Variants in ABCD3 observed in about 807,000 individuals in gnomAD.
ABCD3 encodes the protein ATP-binding cassette sub-family D member 3.
Under a neutral mutation model 105.5 loss-of-function variants are expected in ABCD3, and 41 were observed. The ratio of observed to expected loss-of-function variants is 0.39; its 90% CI spans 0.30 to 0.50. ABCD3 has a LOEUF of 0.50. Ranked by LOEUF, ABCD3 falls within the 20% of genes least tolerant of loss-of-function variation. The probability of loss-of-function intolerance (pLI) is 0.84; values close to 1 mark genes in which losing one functional copy is unlikely to be tolerated. For missense variants in ABCD3, 622 were observed against 806.3 expected (o/e 0.77, Z 2.77); for synonymous variants, 258 against 269.0 (o/e 0.96, Z 0.40).
At chr1:94,509,754 A>G (rs1272485535) in intron 21 of ABCD3, among the ~76,000 whole-genome samples, 1 of 152,116 alleles carries the variant, frequency 6.6e-6, no homozygotes, top group East Asian at 1.9e-4. Flanking sequence ...CATTTCTTCT[A>G]GATTTTCTAG....
chr1:94,489,755 A>G lies in ABCD3; in HGVS notation c.1188A>G (p.Gln396=), dbSNP rs772263618. 7.4e-6 allele frequency: 12 copies of G among 1,613,082 alleles called. No homozygotes were observed. In the Admixed American group the frequency reaches 1.7e-4, roughly 22 times the overall value. ...CTGCTCGGATTACAGAATTAATGCA[A>G]GTACTGAAGGATTTAAATCATGGCA... ...GFTARITELM[Q]VLKDLNHGKY... The change falls in exon 14 of 23, where the codon CAA becomes CAG. Residue 396 remains glutamine (Q), a synonymous_variant. Transcript: ENST00000370214.
intron 9 of ABCD3, 148 bp from the exon 10 acceptor site, chr1:94,483,022 T>C (rs888590531): frequency 6.0e-6 from 4 of 661,180 alleles, no homozygotes; most frequent in African/African-American, 3.6e-5. Context: ...ATCTCAGGTA[T>C]AGACTGTGGC....
chr1:94,488,149 G>A (rs1460915774), intron 13 of ABCD3, among the ~76,000 whole-genome samples, 166 bp downstream of exon 13: 1 of 152,136 alleles, frequency 6.6e-6, no homozygotes, highest in African/African-American at 2.4e-5. Flanking sequence ...AACTTTTCAT[G>A]TTTCTTGAGG....
the ABCD3 span, among the ~76,000 whole-genome samples, chr1:94,387,731 G>A: frequency 6.6e-6 from 1 of 152,198 alleles, no homozygotes; most frequent in African/African-American, 2.4e-5. Flanking sequence ...CATTGTCAGT[G>A]TTATGCGATC....
At chr1:94,410,204 C>T in the ABCD3 span, among the ~76,000 whole-genome samples, 1 of 152,292 alleles carries the variant, frequency 6.6e-6, no homozygotes, top group East Asian at 1.9e-4. Context: ...TGCCTCCTTG[C>T]AACTCCCTAG....
At chr1:94,428,642 TCTC>T (rs1659561729) in intron 1 of ABCD3, among the ~76,000 whole-genome samples, 1 of 152,068 alleles carries the variant, frequency 6.6e-6, no homozygotes, top group African/African-American at 2.4e-5. Flanking sequence ...AAAGAGGAGT[TCTC>T]CTGTACAAGC....
intron 1 of ABCD3, among the ~76,000 whole-genome samples, chr1:94,432,399 C>G (rs1022273660): frequency 2.0e-5 from 3 of 152,138 alleles, no homozygotes; most frequent in Admixed American, 1.3e-4. Flanking sequence ...AAACAGCTTG[C>G]ACAAAGGCAT....
chr1:94,388,091 G>A, the ABCD3 span, among the ~76,000 whole-genome samples: 2 of 152,056 alleles, frequency 1.3e-5, no homozygotes, highest in South Asian at 4.1e-4. Context: ...TTCAGACATG[G>A]CTATACTTTT....
intron 21 of ABCD3, chr1:94,513,721 C>T (rs1650794511): frequency 6.6e-6 from 1 of 151,944 alleles, no homozygotes; most frequent in Non-Finnish European, 1.5e-5. Context: ...GACTTATATA[C>T]TTCATATATT....
rs779494591 is a variant in ABCD3, at chr1:94,487,717, C to G, written c.991C>G (p.Leu331Val). Reference sequence around the variant, plus strand: ...AGACCTTGCCACTGTTGTTGGTTACCTAGTTGTCAGTCGCCCTTTCTTAGA... The same window carrying G: ...AGACCTTGCCACTGTTGTTGGTTACGTAGTTGTCAGTCGCCCTTTCTTAGA... ...AKYLATVVGY[L>V]VVSRPFLDLS... The change falls in exon 12 of 23, where the codon CTA (leucine) becomes GTA (valine). Residue 331 changes from leucine (L) to valine (V), a missense_variant. This residue lies in a region of ABCD3 where 245 missense variants were observed against 356.4 expected (regional missense o/e 0.69). Transcript: ENST00000370214. 2 of 1,613,972 alleles carry G rather than the reference C, an allele frequency of 1.2e-6. No homozygotes were observed. The highest frequency in any genetic ancestry group is 1.7e-5 in the Admixed American group (1 of 60,006).
intron 13 of ABCD3, among the ~76,000 whole-genome samples, chr1:94,488,966 T>A (rs1460287793): frequency 6.6e-6 from 1 of 152,002 alleles, no homozygotes; most frequent in Non-Finnish European, 1.5e-5. Flanking sequence ...TCATATTTAG[T>A]GTATACAATT....
At chr1:94,484,856 CAGAA>C (rs1280204140) in intron 10 of ABCD3, among the ~76,000 whole-genome samples, 1 of 152,058 alleles carries the variant, frequency 6.6e-6, no homozygotes, top group Non-Finnish European at 1.5e-5. Context: ...GTGATTCCCA[CAGAA>C]AGAATTTGTT....
the ABCD3 span, among the ~76,000 whole-genome samples, chr1:94,397,437 C>T: frequency 1.3e-5 from 2 of 152,230 alleles, no homozygotes; most frequent in South Asian, 4.1e-4. Context: ...ATGAACTTGA[C>T]ACTTTTGAAG....
intron 1 of ABCD3, among the ~76,000 whole-genome samples, chr1:94,449,803 T>A (rs551302393): frequency 5.9e-5 from 9 of 152,192 alleles, no homozygotes; most frequent in Non-Finnish European, 1.0e-4. Flanking sequence ...CTGAACAAAA[T>A]GGTCAGATGG....
At chr1:94,451,172 T>TTG (rs1461799409) in intron 1 of ABCD3, among the ~76,000 whole-genome samples, 4 of 152,290 alleles carry the variant, frequency 2.6e-5, no homozygotes, top group African/African-American at 7.2e-5. Context: ...TTAAAAATTT[T>TTG]TGTGTGTGTG....
At chr1:94,466,179 C>T (rs1414594681) in intron 3 of ABCD3, among the ~76,000 whole-genome samples, 1 of 152,076 alleles carries the variant, frequency 6.6e-6, no homozygotes, top group Non-Finnish European at 1.5e-5. Flanking sequence ...CAGCCTCTTA[C>T]TCGTTTTGAT....
chr1:94,474,651 G>A (rs1322483912), intron 5 of ABCD3, among the ~76,000 whole-genome samples: 1 of 150,908 alleles, frequency 6.6e-6, no homozygotes, highest in Non-Finnish European at 1.5e-5. Flanking sequence ...GTAATGTAAC[G>A]ATGGAAAATG....
intron 15 of ABCD3, among the ~76,000 whole-genome samples, 154 bp from the exon 16 acceptor site, chr1:94,491,030 T>C (rs1398036090): frequency 6.6e-6 from 1 of 152,130 alleles, no homozygotes; most frequent in East Asian, 1.9e-4. Flanking sequence ...GAGCACCTTT[T>C]CGTATGCCTG....
intron 21 of ABCD3, among the ~76,000 whole-genome samples, chr1:94,508,922 C>T (rs1207944791): frequency 6.6e-6 from 1 of 152,164 alleles, no homozygotes; most frequent in African/African-American, 2.4e-5. Flanking sequence ...ACAATCATGT[C>T]ATCTGCAAAC....
Sources: allele counts gnomAD v4.1 joint callset (sites outside exome capture counted in the v4.1 genomes callset), GRCh38; gene constraint gnomAD v4.1.1; regional missense constraint gnomAD v4.1.1; transcripts MANE v1.5; gene names NCBI Gene and HGNC (gene_info 2026-07-23, HGNC 2026-07-21).